STS: variants seen among roughly 807,000 people sequenced by gnomAD.
STS encodes steroid sulfatase.
In STS, 7 loss-of-function variants were observed where a neutral mutation model predicts 26.8. The ratio of observed to expected loss-of-function variants is 0.26; its 90% CI spans 0.15 to 0.49. The LOEUF is 0.49. STS is among the 20% of genes least tolerant of loss of function. The pLI is 0.98. For missense variants in STS, 434 were observed against 465.6 expected (o/e 0.93, Z 0.63); for synonymous variants, 199 against 189.4 (o/e 1.05, Z -0.42).
At chrX:7,259,990 C>A (rs1392326796) in intron 6 of STS, among the ~76,000 whole-genome samples, 1 of 111,527 alleles carries the variant, frequency 9.0e-6, no homozygotes, top group Non-Finnish European at 1.9e-5. Flanking sequence ...ATTCTCCTGC[C>A]TCAGCCTCCT....
At position 7,233,207 on chromosome X, in the gene STS, C is replaced by T. The variant is rs184151186; in HGVS notation, c.-4-19989C>T. On this transcript the variant is annotated intron_variant, in intron 2 of 10. Transcript: ENST00000674429. ...CTCCAGGGTTCAAGCAATTCTCCTG[C>T]CTCAGCCTCCCAAGCAGCTGGGATT... Among the ~76,000 whole-genome samples, 256 of 106,226 alleles carry T rather than the reference C, an allele frequency of 2.4e-3. 2 individuals are homozygous for T. The highest frequency in any genetic ancestry group is 8.6e-3 in the African/African-American group (249 of 29,058). 92.2% of individuals were successfully genotyped at this position (106,226 alleles called of 115,157 possible).
intron 2 of STS, among the ~76,000 whole-genome samples, chrX:7,209,119 C>A (rs1920973752): frequency 9.0e-6 from 1 of 111,203 alleles, no homozygotes; most frequent in Admixed American, 9.6e-5. Context: ...AGGCTGTGGG[C>A]GCCTCGGGCC....
chrX:7,325,254 A>C, intron 8 of STS, 85 bp from the exon 9 acceptor site: 1 of 1,030,534 alleles, frequency 9.7e-7, no homozygotes, highest in Non-Finnish European at 1.3e-6. Flanking sequence ...GTTCTTCTAC[A>C]TTGAGCACGA....
intron 7 of STS, among the ~76,000 whole-genome samples, chrX:7,291,772 A>G (rs746437916): frequency 8.9e-6 from 1 of 112,393 alleles, no homozygotes; most frequent in Non-Finnish European, 1.9e-5. Flanking sequence ...TAGTGAAAGA[A>G]CATTGTTGTC....
chrX:7,298,692 C>T (rs1325341955), intron 7 of STS, among the ~76,000 whole-genome samples: 7 of 110,229 alleles, frequency 6.4e-5, no homozygotes, highest in African/African-American at 2.3e-4. Context: ...AGCAGAGAGT[C>T]GTAGCCACCC....
intron 9 of STS, among the ~76,000 whole-genome samples, chrX:7,333,181 A>G (rs1927842721): frequency 8.9e-6 from 1 of 112,526 alleles, no homozygotes; most frequent in Non-Finnish European, 1.9e-5. Flanking sequence ...CACCCTTTCA[A>G]AATAATTATC....
rs765388132 is a variant in STS at position 7,259,467 on chromosome X, C to T, written c.501C>T (p.Pro167=). ...TGACCAATCTGAGAGACTGCAAGCCCGGAGAGGGCAGTGTCTTCACCACGG... is the reference window on the plus strand; with the variant it reads ...TGACCAATCTGAGAGACTGCAAGCCTGGAGAGGGCAGTGTCTTCACCACGG... The part of the protein sequence containing the change: ...ISLTNLRDCK[P]GEGSVFTTGF... The change falls in exon 6 of 11, where the codon CCC becomes CCT. Residue 167 remains proline (P), a synonymous_variant. Coordinates refer to ENST00000674429, the MANE Select transcript of STS (RefSeq NM_001320752.2). The T allele has an allele frequency of 1.1e-5, 13 of 1,209,664 alleles. No homozygotes were observed. Among genetic ancestry groups the T allele is most frequent in the Middle Eastern group, 2.3e-4 (1 of 4,376 alleles).
chrX:7,350,227 A>G lies in STS; in HGVS notation c.1703A>G (p.Asp568Gly). ...TCCACCGGCCTGTCTTGCCAGTGTGATAGAGAAAAACAGGATAAGAGACTG... is the reference window on the plus strand; with the variant it reads ...TCCACCGGCCTGTCTTGCCAGTGTGGTAGAGAAAAACAGGATAAGAGACTG... ...CPSTGLSCQC[D>G]REKQDKRLSR Residue 568 changes from aspartate to glycine, a missense_variant, in exon 11 of 11, where the codon GAT becomes GGT. Asp to Gly is a moderately conservative substitution (Grantham distance 94). This residue lies in a region of STS where 205 missense variants were observed against 177.3 expected (regional missense o/e 1.16). Transcript: ENST00000674429. 8.3e-7 allele frequency: 1 copy of G among 1,210,927 alleles called. No homozygotes were observed. Among genetic ancestry groups the G allele is most frequent in the Non-Finnish European group, 1.1e-6 (1 of 895,060 alleles).
At chrX:7,242,549 G>T (rs1922673751) in intron 2 of STS, among the ~76,000 whole-genome samples, 1 of 109,712 alleles carries the variant, frequency 9.1e-6, no homozygotes, top group African/African-American at 3.3e-5. Context: ...GCAGTGAGCC[G>T]TGATCACGCC....
At chrX:7,168,263 A>C (rs1388793789) in intron 1 of STS, among the ~76,000 whole-genome samples, 1 of 111,147 alleles carries the variant, frequency 9.0e-6, no homozygotes, top group Non-Finnish European at 1.9e-5. Context: ...TAATGTAGGG[A>C]AAAATGTGTT....
At chrX:7,311,860 AC>A (rs1926493051) in intron 8 of STS, among the ~76,000 whole-genome samples, 1 of 111,114 alleles carries the variant, frequency 9.0e-6, no homozygotes, top group African/African-American at 3.3e-5. Flanking sequence ...CTACAAAAAA[AC>A]AGTTTAAAAA....
intron 2 of STS, among the ~76,000 whole-genome samples, chrX:7,214,833 A>C (rs1432296044): frequency 1.9e-5 from 2 of 106,364 alleles, no homozygotes; most frequent in Non-Finnish European, 3.8e-5. Context: ...CACTTAGAAT[A>C]ATAGTCTCCA....
At chrX:7,209,608 A>ATTTTAT (rs1190171169) in intron 2 of STS, among the ~76,000 whole-genome samples, 33 of 107,192 alleles carry the variant, frequency 3.1e-4, no homozygotes, top group Admixed American at 2.4e-3. Flanking sequence ...TATTTTATAT[A>ATTTTAT]TTTTATTTTT....
At chrX:7,294,738 C>T (rs1476357760) in intron 7 of STS, among the ~76,000 whole-genome samples, 1 of 111,763 alleles carries the variant, frequency 8.9e-6, no homozygotes, top group Non-Finnish European at 1.9e-5. Context: ...ACAGCCACTA[C>T]ACTATAGAGC....
At chrX:7,237,416 C>T (rs1028039075) in intron 2 of STS, among the ~76,000 whole-genome samples, 8 of 111,692 alleles carry the variant, frequency 7.2e-5, no homozygotes, top group African/African-American at 2.3e-4. Flanking sequence ...TCACAAAGTG[C>T]TGGGATTACA....
At chrX:7,335,429 T>TCCTTTGC (rs1321061408) in intron 10 of STS, among the ~76,000 whole-genome samples, 1 of 112,434 alleles carries the variant, frequency 8.9e-6, no homozygotes, top group Non-Finnish European at 1.9e-5. Flanking sequence ...TCTGTTCATG[T>TCCTTTGC]CCTTTGCCCA....
intron 2 of STS, among the ~76,000 whole-genome samples, chrX:7,209,199 G>A (rs1920974530): frequency 9.0e-6 from 1 of 111,134 alleles, no homozygotes; most frequent in African/African-American, 3.3e-5. Context: ...CCAGCCAATA[G>A]ATTCTGGGCC....
chrX:7,282,067 A>G (rs1312939882), intron 7 of STS, among the ~76,000 whole-genome samples: 1 of 112,925 alleles, frequency 8.9e-6, no homozygotes, highest in African/African-American at 3.2e-5. Flanking sequence ...CACAGGGAGC[A>G]TCACAGAGTG....
At chrX:7,303,895 C>T (rs1289565823) in intron 7 of STS, among the ~76,000 whole-genome samples, 1 of 111,756 alleles carries the variant, frequency 8.9e-6, no homozygotes, top group Non-Finnish European at 1.9e-5. Flanking sequence ...GCCCTTCACT[C>T]ATATTTAACA....
Sources: gnomAD v4.1 joint callset for allele counts (sites outside exome capture counted in the v4.1 genomes callset) on GRCh38, gnomAD v4.1.1 for gene constraint, gnomAD v4.1.1 regional missense constraint, MANE v1.5 for transcripts, NCBI Gene and HGNC (gene_info 2026-07-23, HGNC 2026-07-21) for gene names.